The following CACNA2D1 variants were observed in gnomAD, a reference collection of about 807,000 sequenced individuals.
The protein encoded by CACNA2D1 is calcium voltage-gated channel auxiliary subunit alpha2delta 1.
CACNA2D1 carries 53 observed loss-of-function variants against 171.5 expected under a neutral mutation model. The observed-to-expected ratio is 0.31, with a 90% confidence interval of 0.25 to 0.39. The LOEUF (loss-of-function observed/expected upper bound fraction) is 0.39. CACNA2D1 is among the 10% of genes least tolerant of loss of function. The probability of loss-of-function intolerance (pLI) is 1.00; values close to 1 mark genes in which losing one functional copy is unlikely to be tolerated. For synonymous variants in CACNA2D1, 442 were observed against 443.1 expected, an observed-to-expected ratio of 1.00 and a Z score of 0.03; for missense variants, 903 against 1,299.8, an observed-to-expected ratio of 0.69 and a Z score of 4.69.
At chr7:82,335,480 T>C (rs1817884325) in intron 2 of CACNA2D1, among the ~76,000 whole-genome samples, 1 of 152,152 alleles carries the variant, frequency 6.6e-6, no homozygotes, top group African/African-American at 2.4e-5. Flanking sequence ...TTGTAAAACA[T>C]CTTGTACCAC....
intron 1 of CACNA2D1, among the ~76,000 whole-genome samples, chr7:82,421,479 TTCC>T (rs1256732935): frequency 6.6e-6 from 1 of 152,124 alleles, no homozygotes; most frequent in African/African-American, 2.4e-5. Context: ...GACAGAAGGG[TTCC>T]TTTGAATTTT....
chr7:82,133,079 A>G (rs887860504), intron 5 of CACNA2D1, among the ~76,000 whole-genome samples: 4 of 152,186 alleles, frequency 2.6e-5, no homozygotes, highest in Non-Finnish European at 5.9e-5. Context: ...AAGTAGAATT[A>G]TATTTCCTCA....
At chr7:82,373,077 A>G (rs566459086) in intron 1 of CACNA2D1, among the ~76,000 whole-genome samples, 13 of 152,248 alleles carry the variant, frequency 8.5e-5, no homozygotes, top group Non-Finnish European at 1.5e-4. Context: ...CCAGCTACTC[A>G]GGAGGCTGAG....
chr7:82,255,420 G>T (rs1054746657), intron 3 of CACNA2D1, among the ~76,000 whole-genome samples: 1 of 152,124 alleles, frequency 6.6e-6, no homozygotes, highest in Non-Finnish European at 1.5e-5. Flanking sequence ...TAGCTCCAAA[G>T]GTGAGCACTT....
At chr7:82,122,894 G>A (rs1341500678) in intron 5 of CACNA2D1, among the ~76,000 whole-genome samples, 2 of 152,300 alleles carry the variant, frequency 1.3e-5, no homozygotes, top group East Asian at 1.9e-4. Context: ...CAGGGCAAAT[G>A]AGGTTTAAAA....
At chr7:82,105,552 T>A (rs1382099829) in intron 6 of CACNA2D1, among the ~76,000 whole-genome samples, 1 of 151,582 alleles carries the variant, frequency 6.6e-6, no homozygotes, top group Non-Finnish European at 1.5e-5. Flanking sequence ...GGAGCCATTT[T>A]GAGTATAAAT....
At chr7:82,024,467 T>G (rs1322503569) in intron 12 of CACNA2D1, among the ~76,000 whole-genome samples, 1 of 151,792 alleles carries the variant, frequency 6.6e-6, no homozygotes, top group African/African-American at 2.4e-5. Flanking sequence ...CATCAAGTAC[T>G]TAGCTCATTT....
intron 1 of CACNA2D1, among the ~76,000 whole-genome samples, chr7:82,360,078 A>G (rs1030126373): frequency 3.3e-5 from 5 of 152,212 alleles, no homozygotes; most frequent in Middle Eastern, 3.4e-3. Context: ...AGAATGTATA[A>G]CTCCATTAAT....
chr7:82,288,731 A>G lies in CACNA2D1; in HGVS notation c.294+46404T>C, dbSNP rs1296482167. Reference sequence around the variant, plus strand: ...CTGGGACCCAAAAGAACAGCTGCCTATGGTTTTATGCTCCTATGAGCATGC... The same window carrying G: ...CTGGGACCCAAAAGAACAGCTGCCTGTGGTTTTATGCTCCTATGAGCATGC... On this transcript the variant is annotated intron_variant, in intron 3 of 38. Coordinates refer to ENST00000356860, the MANE Select transcript of CACNA2D1 (RefSeq NM_000722.4). 2.6e-5 allele frequency among the ~76,000 whole-genome samples: 4 copies of G among 152,166 alleles called. No individual in the cohort carries two copies. The South Asian group carries it at 6.2e-4, about 24-fold the overall frequency.
intron 3 of CACNA2D1, among the ~76,000 whole-genome samples, chr7:82,208,563 A>G (rs1320691410): frequency 2.0e-5 from 3 of 152,186 alleles, no homozygotes; most frequent in Non-Finnish European, 4.4e-5. Context: ...TTCATATTCT[A>G]AATCTACTAT....
intron 1 of CACNA2D1, among the ~76,000 whole-genome samples, chr7:82,374,782 ATGCC>A (rs1325235422): frequency 1.5e-5 from 1 of 68,602 alleles, no homozygotes; most frequent in Non-Finnish European, 3.6e-5. Context: ...ACAAACAAAA[ATGCC>A]CCCCAAAAAA....
chr7:82,401,861 G>A (rs2092723418), intron 1 of CACNA2D1, among the ~76,000 whole-genome samples: 1 of 152,096 alleles, frequency 6.6e-6, no homozygotes, highest in African/African-American at 2.4e-5. Context: ...GACAGAAAAT[G>A]TGACAAATAG....
chr7:82,148,153 C>G (rs1343412991), intron 4 of CACNA2D1, among the ~76,000 whole-genome samples: 1 of 152,022 alleles, frequency 6.6e-6, no homozygotes. Flanking sequence ...AAAGTGGTAA[C>G]AGCTAAAACA....
chr7:82,173,619 G>A (rs912780673), intron 3 of CACNA2D1, among the ~76,000 whole-genome samples: 2 of 148,138 alleles, frequency 1.4e-5, no homozygotes, highest in Admixed American at 1.3e-4. Context: ...CAAACCAGCC[G>A]GTCATTACTT....
At chr7:82,368,034 G>C (rs1024051855) in intron 1 of CACNA2D1, among the ~76,000 whole-genome samples, 1 of 152,012 alleles carries the variant, frequency 6.6e-6, no homozygotes, top group Non-Finnish European at 1.5e-5. Flanking sequence ...TGAAGCCATC[G>C]CATTAGCAAC....
chr7:82,191,145 A>G (rs1397040751), intron 3 of CACNA2D1, among the ~76,000 whole-genome samples: 2 of 151,758 alleles, frequency 1.3e-5, no homozygotes, highest in Middle Eastern at 3.2e-3. Context: ...TACAGGATTT[A>G]TAAAGAGAAA....
chr7:82,405,240 A>T (rs1563504954), intron 1 of CACNA2D1, among the ~76,000 whole-genome samples: 1 of 152,198 alleles, frequency 6.6e-6, no homozygotes, highest in East Asian at 1.9e-4. Flanking sequence ...AGACAATAGT[A>T]GTAACATAAA....
intron 7 of CACNA2D1, among the ~76,000 whole-genome samples, chr7:82,082,943 CA>C (rs572153779): frequency 6.6e-6 from 1 of 151,796 alleles, no homozygotes; most frequent in Non-Finnish European, 1.5e-5. Flanking sequence ...TTAAAAGAGC[CA>C]TTTTTGAAAA....
At chr7:82,318,936 A>G in intron 3 of CACNA2D1, among the ~76,000 whole-genome samples, 1 of 152,176 alleles carries the variant, frequency 6.6e-6, no homozygotes, top group East Asian at 1.9e-4. Flanking sequence ...AATTAAATGG[A>G]AAAATCTGTG....
Sources: gnomAD v4.1 joint callset for allele counts (sites outside exome capture counted in the v4.1 genomes callset) on GRCh38, gnomAD v4.1.1 for gene constraint, MANE v1.5 for transcripts, NCBI Gene and HGNC (gene_info 2026-07-23, HGNC 2026-07-21) for gene names.